HERC2: variants seen among roughly 807,000 people sequenced by gnomAD.
The protein encoded by HERC2 is E3 ubiquitin-protein ligase HERC2.
HERC2 carries 102 observed loss-of-function variants against 537.7 expected under a neutral mutation model. That is an observed-to-expected ratio of 0.19 (90% CI 0.16 to 0.22). The LOEUF (loss-of-function observed/expected upper bound fraction) is 0.22, where lower values mean the gene tolerates loss of function less well. HERC2 is among the 10% of genes least tolerant of loss of function. The pLI, the probability that HERC2 is intolerant of heterozygous loss-of-function variation, is 1.00. For synonymous variants in HERC2, 2,224 were observed against 2,466.2 expected (o/e 0.90, Z 2.91); for missense variants, 4,236 against 6,198.2 (o/e 0.68, Z 10.63).
chr15:28,153,148 G>A (rs1251422781), intron 69 of HERC2, among the ~76,000 whole-genome samples: 1 of 152,216 alleles, frequency 6.6e-6, no homozygotes, highest in Non-Finnish European at 1.5e-5. Flanking sequence ...GAGGTCAGGA[G>A]TTCGAGATCA....
At chr15:28,145,264 C>G (rs1249898611) in intron 71 of HERC2, among the ~76,000 whole-genome samples, 1 of 152,230 alleles carries the variant, frequency 6.6e-6, no homozygotes, top group African/African-American at 2.4e-5. Flanking sequence ...CAGCACGGCC[C>G]AGAGTAGGCC....
In HERC2 at chr15:28,198,573, A is replaced by G. The variant is rs200387417; in HGVS notation, c.7885+28T>C. ...GGGAATTTTGTCTCTAAGAAAAAACAAAAGCACTGAACAAAGAATGTGCTC... is the reference window on the plus strand; with the variant it reads ...GGGAATTTTGTCTCTAAGAAAAAACGAAAGCACTGAACAAAGAATGTGCTC... On this transcript the variant is annotated intron_variant, in intron 49 of 92. Transcript: ENST00000261609. 5.1e-4 allele frequency: 815 copies of G among 1,609,974 alleles called. 3 individuals are homozygous for G. In the African/African-American group the frequency reaches 9.6e-3, roughly 19 times the overall value.
chr15:28,175,344 T>C (rs1281617151), intron 64 of HERC2, among the ~76,000 whole-genome samples, 168 bp downstream of exon 64: 1 of 152,050 alleles, frequency 6.6e-6, no homozygotes, highest in Non-Finnish European at 1.5e-5. Context: ...AGCAGGCAGA[T>C]ACACCAGTGG....
intron 71 of HERC2, among the ~76,000 whole-genome samples, chr15:28,145,056 A>G (rs1356841194): frequency 1.3e-5 from 2 of 152,240 alleles, no homozygotes; most frequent in African/African-American, 2.4e-5. Flanking sequence ...GCGGGCAGAC[A>G]CTGCCCTGGC....
intron 56 of HERC2, among the ~76,000 whole-genome samples, chr15:28,186,291 C>T (rs1378289408): frequency 6.6e-6 from 1 of 151,998 alleles, no homozygotes; most frequent in Non-Finnish European, 1.5e-5. Flanking sequence ...AAAAGGAAAA[C>T]TACAAAGATA....
rs2140895531 is a variant in HERC2, at chr15:28,256,074, CT to C, written c.2746+14del. ...CCCTGACCCATGCCCTCTCCTGTTC[CT>C]TCCCCAGGCCCACCTGCGCAGGGCA... is the stretch of plus-strand genomic sequence containing the variant. On this transcript the variant is annotated intron_variant, in intron 18 of 92. Transcript: ENST00000261609. The C allele has an allele frequency of 1.2e-6, 2 of 1,603,716 alleles. No homozygotes were observed. Among genetic ancestry groups the C allele is most frequent in the Non-Finnish European group, 8.5e-7 (1 of 1,178,856 alleles).
At position 28,236,984 on chromosome 15, in the gene HERC2, G is replaced by A; in HGVS notation, c.3982C>T (p.Pro1328Ser). 6.2e-7 allele frequency: 1 copy of A among 1,611,908 alleles called. No homozygotes were observed. Among genetic ancestry groups the A allele is most frequent in the Non-Finnish European group, 8.5e-7 (1 of 1,179,778 alleles). The change falls in exon 26 of 93, where the codon CCT (proline) becomes TCT (serine). Residue 1328 changes from proline (P) to serine (S), a missense_variant. Around this residue, in one of 27 missense-constraint regions of HERC2, gnomAD observed 754 missense variants for 1,085.0 expected, o/e 0.69. Transcript: ENST00000261609. The stretch of plus-strand genomic sequence containing the variant: ...TTACTGGCACATTCAATCTCGACAG[G>A]AGACAGCGGTGTGCTCATTGCCAAA... ...SYLAMSTPLSPVEIECAKWLQ... is the reference protein window; with the variant it reads ...SYLAMSTPLSSVEIECAKWLQ...
chr15:28,151,510 A>G (rs1446631673), intron 70 of HERC2, among the ~76,000 whole-genome samples: 2 of 152,052 alleles, frequency 1.3e-5, no homozygotes, highest in African/African-American at 4.8e-5. Flanking sequence ...AAATAAATAA[A>G]AGGAAAAAAT....
At chr15:28,158,688 C>G (rs1234367696) in intron 69 of HERC2, among the ~76,000 whole-genome samples, 1 of 152,130 alleles carries the variant, frequency 6.6e-6, no homozygotes, top group African/African-American at 2.4e-5. Context: ...GACTCTTTAT[C>G]CAATTTGCCA....
rs1354481362 is a variant in HERC2, at chr15:28,319,356, C to T, written c.72+2006G>A. Among the ~76,000 whole-genome samples, 8 of 152,070 alleles carry T rather than the reference C, an allele frequency of 5.3e-5. No individual in the cohort carries two copies. In the East Asian group the frequency reaches 1.5e-3, roughly 29 times the overall value. On this transcript the variant is annotated intron_variant, in intron 2 of 92. Transcript: ENST00000261609. ...ATCCCAGCAATTTGGGAGGCCGAGG[C>T]AGGCAGATCGCTTTGAGGTCAGGAG...
chr15:28,260,037 C>CT (rs1475749249), intron 16 of HERC2, among the ~76,000 whole-genome samples: 14 of 146,912 alleles, frequency 9.5e-5, no homozygotes, highest in Non-Finnish European at 1.5e-5. Flanking sequence ...TAACACAAGG[C>CT]TTGATCAGTA....
At chr15:28,240,118 T>C (rs1902908904) in intron 23 of HERC2, among the ~76,000 whole-genome samples, 1 of 152,208 alleles carries the variant, frequency 6.6e-6, no homozygotes, top group Non-Finnish European at 1.5e-5. Flanking sequence ...GACAGAATTA[T>C]GCTTTAAAAT....
intron 71 of HERC2, among the ~76,000 whole-genome samples, chr15:28,145,518 C>T (rs1027759816): frequency 2.3e-4 from 35 of 152,196 alleles, no homozygotes; most frequent in African/African-American, 8.0e-4. Context: ...AAAACCCACG[C>T]CCACTGGGAC....
At chr15:28,206,593 G>A (rs530665894) in intron 44 of HERC2, among the ~76,000 whole-genome samples, 14 of 151,642 alleles carry the variant, frequency 9.2e-5, no homozygotes, top group Non-Finnish European at 1.6e-4. Context: ...CTGCACTTCG[G>A]GAGGCCAAGG....
chr15:28,294,756 G>A (rs2076415023), intron 3 of HERC2, among the ~76,000 whole-genome samples: 1 of 151,962 alleles, frequency 6.6e-6, no homozygotes. Flanking sequence ...CCCAAGTGCA[G>A]CCCCCGTGTG....
chr15:28,239,874 G>T (rs2905960), intron 23 of HERC2, among the ~76,000 whole-genome samples: 44 of 152,170 alleles, frequency 2.9e-4, no homozygotes, highest in African/African-American at 9.7e-4. Flanking sequence ...CCATGTTGTT[G>T]GGAGAAAGAC....
Position 28,142,864 on chromosome 15 carries a change from C to G in HERC2, c.11507G>C (p.Arg3836Thr). 6.3e-7 allele frequency: 1 copy of G among 1,589,200 alleles called. No individual in the cohort carries two copies. Residue 3836 changes from arginine to threonine, a missense_variant, in exon 75 of 93, where the codon AGG becomes ACG. Coordinates refer to ENST00000261609, the MANE Select transcript of HERC2 (RefSeq NM_004667.6). The stretch of plus-strand genomic sequence containing the variant: ...GCTGTGGAGCAGCTGTTTGCCACCC[C>G]TCACAATAGGATCTTCATATTCAAA... The part of the protein sequence containing the change: ...RQFEYEDPIV[R>T]GGKQLLHSPF...
chr15:28,251,011 AC>A (rs1437401023), intron 20 of HERC2, among the ~76,000 whole-genome samples: 2 of 152,146 alleles, frequency 1.3e-5, no homozygotes, highest in Non-Finnish European at 2.9e-5. Flanking sequence ...CCCATACAGG[AC>A]CCCACGTGCC....
rs764879589 is a variant in HERC2 at position 28,191,149 on chromosome 15, A to C, written c.8547T>G (p.Val2849=). Residue 2849 remains valine, a synonymous_variant, in exon 54 of 93, where the codon GTT becomes GTG. Coordinates refer to ENST00000261609, the MANE Select transcript of HERC2 (RefSeq NM_004667.6). ...PADSSYMPSL[V]VVSGGNSLNN... is the part of the protein sequence containing the mutation. The stretch of plus-strand genomic sequence containing the variant: ...AACTAACTGAATTACCTGACACTAC[A>C]ACCAGGGACGGCATGTAGCTACTGT... 6.2e-7 allele frequency: 1 copy of C among 1,612,064 alleles called. No individual in the cohort carries two copies. The highest frequency in any genetic ancestry group is 1.7e-5 in the Admixed American group (1 of 60,018).
Sources: allele counts gnomAD v4.1 joint callset (sites outside exome capture counted in the v4.1 genomes callset), GRCh38; gene constraint gnomAD v4.1.1; regional missense constraint gnomAD v4.1.1; transcripts MANE v1.5; gene names NCBI Gene and HGNC (gene_info 2026-07-23, HGNC 2026-07-21).